SIK3: variants seen among roughly 807,000 people sequenced by gnomAD.
SIK3 encodes the protein serine/threonine-protein kinase SIK3.
A neutral mutation model predicts 144.2 loss-of-function variants in SIK3; 28 were observed. The observed-to-expected ratio is 0.19, with a 90% CI of 0.14 to 0.27. The LOEUF (loss-of-function observed/expected upper bound fraction) is 0.27. SIK3 is among the 10% of genes least tolerant of loss of function. The pLI is 1.00. For synonymous variants in SIK3, 686 were observed against 676.3 expected (o/e 1.01, Z -0.22); for missense variants, 1,319 against 1,776.0 (o/e 0.74, Z 4.62).
At chr11:116,985,171 C>A (rs1950286382) in intron 1 of SIK3, among the ~76,000 whole-genome samples, 2 of 152,126 alleles carry the variant, frequency 1.3e-5, no homozygotes, top group Admixed American at 6.5e-5. Context: ...GACAATAGGG[C>A]ATGGAGAATT....
chr11:117,011,628 T>C (rs574586076), intron 1 of SIK3, among the ~76,000 whole-genome samples: 1 of 152,256 alleles, frequency 6.6e-6, no homozygotes, highest in South Asian at 2.1e-4. Flanking sequence ...CTGTTTGGGA[T>C]TTACTGAGGA....
intron 1 of SIK3, among the ~76,000 whole-genome samples, chr11:117,002,180 C>A (rs2135617784): frequency 6.6e-6 from 1 of 152,348 alleles, no homozygotes; most frequent in Middle Eastern, 3.4e-3. Flanking sequence ...ATCTAGAAAA[C>A]TTCTAGACCA....
At chr11:116,949,510 T>G (rs1442004416) in intron 3 of SIK3, among the ~76,000 whole-genome samples, 1 of 152,212 alleles carries the variant, frequency 6.6e-6, no homozygotes, top group Non-Finnish European at 1.5e-5. Flanking sequence ...AGTGTTTTTT[T>G]GTTTTATTTT....
chr11:117,071,187 C>CA (rs767405441), intron 1 of SIK3, among the ~76,000 whole-genome samples: 3,737 of 104,982 alleles, frequency 0.036, 85 homozygotes, highest in South Asian at 0.13. Flanking sequence ...CTCAGTATTG[C>CA]AAAAAAAAAA....
At chr11:117,040,862 C>T (rs925659564) in intron 1 of SIK3, among the ~76,000 whole-genome samples, 1 of 150,930 alleles carries the variant, frequency 6.6e-6, no homozygotes, top group African/African-American at 2.4e-5. Flanking sequence ...GTATACAACA[C>T]AATGTTTTTA....
intron 1 of SIK3, among the ~76,000 whole-genome samples, chr11:117,020,959 G>C (rs546134020): frequency 6.6e-6 from 1 of 152,364 alleles, no homozygotes; most frequent in East Asian, 1.9e-4. Flanking sequence ...TGGCACTGAA[G>C]ACTGGGGACA....
At chr11:117,072,092 A>G (rs940076884) in intron 1 of SIK3, among the ~76,000 whole-genome samples, 13 of 152,092 alleles carry the variant, frequency 8.5e-5, no homozygotes, top group Admixed American at 6.6e-5. Context: ...AAATACTAAA[A>G]TGACTATATC....
intron 6 of SIK3, 31 bp from the exon 7 acceptor site, chr11:116,877,073 T>G (rs1158406167): frequency 6.3e-7 from 1 of 1,593,636 alleles, no homozygotes; most frequent in Non-Finnish European, 8.6e-7. Context: ...GCCTTCAGTC[T>G]CTGGTGAGGG....
chr11:116,989,207 C>T (rs1337140449), intron 1 of SIK3, among the ~76,000 whole-genome samples: 1 of 150,904 alleles, frequency 6.6e-6, no homozygotes, highest in Admixed American at 6.6e-5. Flanking sequence ...TTTTTTTTTT[C>T]CCCGCATGTT....
intron 21 of SIK3, among the ~76,000 whole-genome samples, chr11:116,851,696 GAAGAT>G (rs1942457918): frequency 6.6e-6 from 1 of 152,164 alleles, no homozygotes; most frequent in Admixed American, 6.5e-5. Flanking sequence ...CCAGCAGAGA[GAAGAT>G]AAAAGAAAAC....
chr11:116,996,137 G>T (rs1950657058), intron 1 of SIK3, among the ~76,000 whole-genome samples: 1 of 151,830 alleles, frequency 6.6e-6, no homozygotes, highest in Non-Finnish European at 1.5e-5. Context: ...GCAAAACCCT[G>T]TCTCTACTAA....
chr11:117,076,743 A>G (rs561490344), intron 1 of SIK3, among the ~76,000 whole-genome samples: 59 of 152,076 alleles, frequency 3.9e-4, no homozygotes, highest in Non-Finnish European at 7.2e-4. Context: ...GGGTTTCACC[A>G]TATTGGCCAG....
At chr11:116,917,189 C>T (rs570639547) in intron 4 of SIK3, among the ~76,000 whole-genome samples, 7 of 152,102 alleles carry the variant, frequency 4.6e-5, no homozygotes, top group Non-Finnish European at 7.4e-5. Flanking sequence ...CTGGGTGATT[C>T]GTTAGTCCCT....
At chr11:117,057,493 G>GATTC (rs1953589886) in intron 1 of SIK3, among the ~76,000 whole-genome samples, 1 of 152,166 alleles carries the variant, frequency 6.6e-6, no homozygotes, top group Non-Finnish European at 1.5e-5. Flanking sequence ...GGCAAGCTGT[G>GATTC]ATTCATTCAA....
intron 4 of SIK3, among the ~76,000 whole-genome samples, chr11:116,914,520 G>C (rs1946517260): frequency 6.6e-6 from 1 of 152,028 alleles, no homozygotes; most frequent in African/African-American, 2.4e-5. Context: ...TCAATTTTTT[G>C]ATGGACCACA....
chr11:117,072,887 C>T (rs1231445489), intron 1 of SIK3, among the ~76,000 whole-genome samples: 1 of 152,142 alleles, frequency 6.6e-6, no homozygotes, highest in Admixed American at 6.5e-5. Context: ...CAGGATAATG[C>T]TAAGGGATTG....
Position 117,002,635 on chromosome 11 carries a change from G to A in SIK3, c.274-45571C>T, listed in dbSNP as rs941359765. 2.0e-5 allele frequency among the ~76,000 whole-genome samples: 3 copies of A among 151,716 alleles called. No homozygotes were observed. The East Asian group carries it at 5.8e-4, about 29-fold the overall frequency. On this transcript the variant is annotated intron_variant, in intron 1 of 24. Coordinates refer to ENST00000445177, the MANE Select transcript of SIK3 (RefSeq NM_001366686.3). The stretch of plus-strand genomic sequence containing the variant: ...TTACAAGAAAAAAAAACCACATTCT[G>A]GAAAAAGAAAAAAACATTTCACAAT...
intron 1 of SIK3, among the ~76,000 whole-genome samples, chr11:116,999,672 A>G (rs1018841713): frequency 6.6e-6 from 1 of 151,958 alleles, no homozygotes; most frequent in Admixed American, 6.6e-5. Context: ...TGGTCTACCC[A>G]CCTCAGCCTT....
chr11:117,070,752 C>CTTTT (rs368884148), intron 1 of SIK3, among the ~76,000 whole-genome samples: 3 of 128,146 alleles, frequency 2.3e-5, no homozygotes, highest in African/African-American at 9.4e-5. Context: ...GGCCCTTTTT[C>CTTTT]TTTTTTTTTT....
Sources: allele counts gnomAD v4.1 joint callset (sites outside exome capture counted in the v4.1 genomes callset), GRCh38; gene constraint gnomAD v4.1.1; transcripts MANE v1.5; gene names NCBI Gene and HGNC (gene_info 2026-07-23, HGNC 2026-07-21).